Variants in ITGB5 observed in about 807,000 individuals in gnomAD.
The protein encoded by ITGB5 is integrin subunit beta 5.
A neutral mutation model predicts 84.8 loss-of-function variants in ITGB5; 38 were observed. The observed-to-expected ratio is 0.45, with a 90% confidence interval of 0.35 to 0.59. The LOEUF (loss-of-function observed/expected upper bound fraction) is 0.59. ITGB5 is among the 20% of genes least tolerant of loss of function. The pLI is 0.01. For missense variants in ITGB5, 905 were observed against 1,034.5 expected (o/e 0.87, Z 1.72); for synonymous variants, 393 against 414.4 (o/e 0.95, Z 0.63).
intron 12 of ITGB5, among the ~76,000 whole-genome samples, chr3:124,768,044 T>A (rs567602557): frequency 1.3e-5 from 2 of 152,314 alleles, no homozygotes; most frequent in South Asian, 2.1e-4. Flanking sequence ...CACTCCAGCC[T>A]GGGTGACAGA....
At chr3:124,796,935 A>T in intron 9 of ITGB5, 118 bp from the exon 10 acceptor site, 2 of 931,960 alleles carry the variant, frequency 2.1e-6, no homozygotes, top group Non-Finnish European at 3.2e-6. Flanking sequence ...CCACGCACTC[A>T]GGTAGAACCA....
At chr3:124,850,621 C>A (rs922689853) in intron 3 of ITGB5, among the ~76,000 whole-genome samples, 1 of 151,076 alleles carries the variant, frequency 6.6e-6, no homozygotes, top group East Asian at 1.9e-4. Context: ...TGCAGCGCAC[C>A]AGCATGGCAC....
At chr3:124,769,315 G>A in intron 11 of ITGB5, 1 of 548,794 alleles carries the variant, frequency 1.8e-6, no homozygotes, top group East Asian at 3.0e-5. Flanking sequence ...GCCTGTGTGA[G>A]TTTAGTGGCA....
At chr3:124,827,857 C>G (rs142090854) in intron 5 of ITGB5, among the ~76,000 whole-genome samples, 1 of 152,150 alleles carries the variant, frequency 6.6e-6, no homozygotes, top group Non-Finnish European at 1.5e-5. Context: ...TCCTTCTCCT[C>G]GCTCATCCTG....
rs11707187 is a variant in ITGB5 at position 124,804,828 on chromosome 3, C to A, written c.1263+4194G>T. On this transcript the variant is annotated intron_variant, in intron 9 of 14. Transcript: ENST00000296181. ...AATACAGGTGCACATCACCACGCCCCGCTAATTTTTGTATTTTTAGTAGAG... is the reference window on the plus strand; with the variant it reads ...AATACAGGTGCACATCACCACGCCCAGCTAATTTTTGTATTTTTAGTAGAG... Among the ~76,000 whole-genome samples, 347 of 151,726 alleles carry A rather than the reference C, an allele frequency of 2.3e-3. 1 individual carries two copies. Among genetic ancestry groups the A allele is most frequent in the Non-Finnish European group, 4.3e-3 (290 of 67,900 alleles).
At chr3:124,879,873 C>T (rs892503197) in intron 1 of ITGB5, among the ~76,000 whole-genome samples, 4 of 152,288 alleles carry the variant, frequency 2.6e-5, no homozygotes, top group African/African-American at 9.6e-5. Context: ...TATATAGGCA[C>T]AATTTATTTA....
rs768576387 is a variant in ITGB5 at position 124,848,386 on chromosome 3, T to C, written c.534A>G (p.Gly178=). Residue 178 remains glycine (G), a synonymous_variant, in exon 4 of 15, where the codon GGA becomes GGG. Coordinates refer to ENST00000296181, the MANE Select transcript of ITGB5 (RefSeq NM_002213.5). Reference sequence around the variant, plus strand: ...TGTCCTTATCAACAAAAGACCCAAATCCCAACCGGAAGTTGCTGGTGAGCT... The same window carrying C: ...TGTCCTTATCAACAAAAGACCCAAACCCCAACCGGAAGTTGCTGGTGAGCT... ...MRKLTSNFRL[G]FGSFVDKDIS... 1.2e-6 allele frequency: 2 copies of C among 1,614,034 alleles called. No homozygotes were observed. Among genetic ancestry groups the C allele is most frequent in the South Asian group, 2.2e-5 (2 of 91,070 alleles).
At chr3:124,811,593 T>TAAAAGCAAGA (rs2064503030) in intron 8 of ITGB5, among the ~76,000 whole-genome samples, 1 of 152,096 alleles carries the variant, frequency 6.6e-6, no homozygotes, top group Non-Finnish European at 1.5e-5. Context: ...AGGGAGGATC[T>TAAAAGCAAGA]GGGAAAAAGC....
chr3:124,842,126 G>C (rs1008998449), intron 4 of ITGB5, among the ~76,000 whole-genome samples: 1 of 152,212 alleles, frequency 6.6e-6, no homozygotes, highest in Non-Finnish European at 1.5e-5. Flanking sequence ...CATCTTATCT[G>C]CTTCTTCATT....
intron 1 of ITGB5, among the ~76,000 whole-genome samples, chr3:124,878,371 T>C (rs1007907398): frequency 6.6e-6 from 1 of 152,252 alleles, no homozygotes; most frequent in Non-Finnish European, 1.5e-5. Context: ...TCACCTGGTA[T>C]GAAAACATCA....
At chr3:124,838,706 A>G (rs1016717457) in intron 5 of ITGB5, among the ~76,000 whole-genome samples, 3 of 151,956 alleles carry the variant, frequency 2.0e-5, no homozygotes, top group African/African-American at 7.3e-5. Flanking sequence ...GGTTCACACC[A>G]TTCTCCTGCC....
chr3:124,860,360 GTATT>G (rs1446019470), intron 2 of ITGB5, among the ~76,000 whole-genome samples: 3 of 152,046 alleles, frequency 2.0e-5, no homozygotes, highest in Non-Finnish European at 4.4e-5. Flanking sequence ...ATATAGAATT[GTATT>G]TATTAGGATT....
chr3:124,770,401 G>T (rs1559922840), intron 11 of ITGB5, among the ~76,000 whole-genome samples: 1 of 152,136 alleles, frequency 6.6e-6, no homozygotes, highest in Non-Finnish European at 1.5e-5. Context: ...GCCCCCACAG[G>T]CCTGTGGGGA....
At chr3:124,775,829 CACTTA>C (rs1343307777) in intron 10 of ITGB5, among the ~76,000 whole-genome samples, 2 of 152,230 alleles carry the variant, frequency 1.3e-5, no homozygotes, top group African/African-American at 4.8e-5. Context: ...CTTCACCCGC[CACTTA>C]ACTTCCTGCC....
intron 5 of ITGB5, among the ~76,000 whole-genome samples, chr3:124,837,571 T>C (rs3772842): frequency 0.11 from 16,106 of 152,224 alleles, 1,055 homozygotes; most frequent in South Asian, 0.17. Flanking sequence ...CCTCCATTCA[T>C]AGAAACAGGG....
intron 10 of ITGB5, among the ~76,000 whole-genome samples, chr3:124,788,367 C>T (rs1210613182): frequency 6.6e-6 from 1 of 152,164 alleles, no homozygotes; most frequent in Non-Finnish European, 1.5e-5. Flanking sequence ...TTGCAGTATT[C>T]CTGGCAGGGG....
intron 1 of ITGB5, among the ~76,000 whole-genome samples, chr3:124,874,063 TAAA>T (rs34076180): frequency 9.1e-5 from 13 of 142,410 alleles, no homozygotes; most frequent in African/African-American, 2.6e-4. Context: ...ATAGGTCAAA[TAAA>T]AAAAAAAAAA....
chr3:124,872,080 C>T lies in ITGB5; in HGVS notation c.156+1366G>A, dbSNP rs767285398. On this transcript the variant is annotated intron_variant, in intron 2 of 14. Coordinates refer to ENST00000296181, the MANE Select transcript of ITGB5 (RefSeq NM_002213.5). ...GATCTGCCCTGCAGGTCATAGAGAA[C>T]GAAAGGAAGATTTTAAAGAAGGGTG... Among the ~76,000 whole-genome samples the T allele has an allele frequency of 1.3e-4, 19 of 151,578 alleles. 1 individual carries two copies. The highest frequency in any genetic ancestry group is 1.9e-4 in the East Asian group (1 of 5,166).
intron 9 of ITGB5, 83 bp from the exon 10 acceptor site, chr3:124,796,900 G>C: frequency 7.3e-7 from 1 of 1,370,934 alleles, no homozygotes; most frequent in Non-Finnish European, 9.9e-7. Context: ...CCTTGATGAA[G>C]AGCAGCTGCG....
Sources: allele counts gnomAD v4.1 joint callset (sites outside exome capture counted in the v4.1 genomes callset), GRCh38; gene constraint gnomAD v4.1.1; transcripts MANE v1.5; gene names NCBI Gene and HGNC (gene_info 2026-07-23, HGNC 2026-07-21).